The following WWOX variants were observed in gnomAD, a reference collection of about 807,000 sequenced individuals.
The protein encoded by WWOX is WW domain-containing oxidoreductase.
WWOX carries 69 observed loss-of-function variants against 46.2 expected under a neutral mutation model. The ratio of observed to expected loss-of-function variants is 1.49; its 90% CI spans 1.23 to 1.82. The LOEUF (loss-of-function observed/expected upper bound fraction) is 1.82. Ranked by LOEUF, WWOX falls within the 40% of genes most tolerant of loss-of-function variation. The probability of loss-of-function intolerance (pLI) is 0.00; values close to 1 mark genes in which losing one functional copy is unlikely to be tolerated. For synonymous variants in WWOX, 359 were observed against 202.6 expected (o/e 1.77, Z -6.56); for missense variants, 919 against 542.6 (o/e 1.69, Z -6.89).
At chr16:78,544,925 C>G (rs970655809) in intron 8 of WWOX, among the ~76,000 whole-genome samples, 1 of 151,848 alleles carries the variant, frequency 6.6e-6, no homozygotes, top group African/African-American at 2.4e-5. Context: ...GCCTATAATC[C>G]TAGCCCTTTG....
At chr16:78,301,053 A>C (rs1159855644) in intron 5 of WWOX, among the ~76,000 whole-genome samples, 2 of 152,176 alleles carry the variant, frequency 1.3e-5, no homozygotes, top group African/African-American at 4.8e-5. Context: ...CCATCCATGC[A>C]TGTAAGTTGC....
intron 1 of WWOX, among the ~76,000 whole-genome samples, chr16:78,102,556 C>A (rs184485669): frequency 3.9e-5 from 6 of 152,244 alleles, no homozygotes; most frequent in Admixed American, 1.3e-4. Context: ...CGGGCACTTG[C>A]TGTTCCTCTC....
intron 8 of WWOX, among the ~76,000 whole-genome samples, chr16:78,830,394 G>A (rs1159294240): frequency 1.3e-5 from 2 of 151,960 alleles, no homozygotes; most frequent in Non-Finnish European, 2.9e-5. Flanking sequence ...ATGGCTGGGG[G>A]TTTTTCTCAC....
At chr16:79,029,738 T>A (rs1163628231) in intron 8 of WWOX, among the ~76,000 whole-genome samples, 2 of 152,218 alleles carry the variant, frequency 1.3e-5, no homozygotes, top group Non-Finnish European at 2.9e-5. Flanking sequence ...TAATATTTCC[T>A]TTTAGAGCTT....
At chr16:78,366,942 GT>G (rs371756150) in intron 5 of WWOX, among the ~76,000 whole-genome samples, 7,902 of 136,136 alleles carry the variant, frequency 0.058, 279 homozygotes, top group East Asian at 0.13. Flanking sequence ...ATTAGCTGGG[GT>G]TTTTTTTTTG....
intron 8 of WWOX, among the ~76,000 whole-genome samples, chr16:78,956,250 A>G (rs545954859): frequency 2.0e-5 from 3 of 151,984 alleles, no homozygotes; most frequent in South Asian, 4.2e-4. Context: ...GGCTCAAGCA[A>G]TTCTGCTGCC....
In WWOX at chr16:78,819,098, C is replaced by T. The variant is rs141229724; in HGVS notation, c.1056+386346C>T. ...CCATAGTACTCAGGTGTTCATTCCACAGAAAAGCGTTCACTCTTCTGCACT... is the reference window on the plus strand; with the variant it reads ...CCATAGTACTCAGGTGTTCATTCCATAGAAAAGCGTTCACTCTTCTGCACT... On this transcript the variant is annotated intron_variant, in intron 8 of 8. Transcript: ENST00000566780. Among the ~76,000 whole-genome samples the T allele has an allele frequency of 1.4e-3, 207 of 152,332 alleles. 1 individual carries two copies. The highest frequency in any genetic ancestry group is 2.6e-3 in the Admixed American group (40 of 15,310).
chr16:78,806,902 G>A (rs1190372184), intron 8 of WWOX, among the ~76,000 whole-genome samples: 1 of 152,206 alleles, frequency 6.6e-6, no homozygotes, highest in East Asian at 1.9e-4. Context: ...ATTGGGAAAA[G>A]AATGGTATTT....
intron 8 of WWOX, among the ~76,000 whole-genome samples, chr16:79,121,783 C>T (rs946867459): frequency 6.6e-6 from 1 of 152,082 alleles, no homozygotes; most frequent in African/African-American, 2.4e-5. Flanking sequence ...CAGATAAGGT[C>T]CATTACTCTT....
intron 8 of WWOX, among the ~76,000 whole-genome samples, chr16:78,978,274 G>C (rs1185713518): frequency 6.6e-6 from 1 of 152,132 alleles, no homozygotes; most frequent in African/African-American, 2.4e-5. Flanking sequence ...CCACCTTTTT[G>C]CTCTTGTGAA....
chr16:78,664,341 T>C (rs8043910), intron 8 of WWOX, among the ~76,000 whole-genome samples: 21,444 of 151,962 alleles, frequency 0.14, 2,660 homozygotes, highest in African/African-American at 0.34. Flanking sequence ...GGCACCCAGT[T>C]TATGTGTGCT....
intron 8 of WWOX, among the ~76,000 whole-genome samples, chr16:79,057,273 C>T (rs995398967): frequency 4.6e-5 from 7 of 152,146 alleles, no homozygotes; most frequent in African/African-American, 1.7e-4. Flanking sequence ...ATGTTTATTC[C>T]AGCTGATTCT....
chr16:78,645,851 G>A (rs998479235), intron 8 of WWOX, among the ~76,000 whole-genome samples: 1 of 152,090 alleles, frequency 6.6e-6, no homozygotes, highest in African/African-American at 2.4e-5. Context: ...GGCTCTGGGG[G>A]CTTCTGGGGA....
chr16:78,614,374 C>G (rs1190126920), intron 8 of WWOX, among the ~76,000 whole-genome samples: 2 of 152,216 alleles, frequency 1.3e-5, no homozygotes, highest in African/African-American at 2.4e-5. Flanking sequence ...CTTATCATAT[C>G]TTCAATGCAT....
intron 8 of WWOX, among the ~76,000 whole-genome samples, chr16:78,638,930 G>A (rs1417739943): frequency 1.3e-5 from 2 of 152,130 alleles, no homozygotes; most frequent in Non-Finnish European, 2.9e-5. Flanking sequence ...AGATATCAGT[G>A]TAAAACAAGA....
chr16:78,896,446 C>T (rs1002078579), intron 8 of WWOX: 1 of 152,136 alleles, frequency 6.6e-6, no homozygotes, highest in African/African-American at 2.4e-5. Context: ...TGAAGCCACA[C>T]CGCAAACTTG....
At chr16:78,831,992 C>T (rs977580821) in intron 8 of WWOX, among the ~76,000 whole-genome samples, 3 of 152,198 alleles carry the variant, frequency 2.0e-5, no homozygotes, top group African/African-American at 7.2e-5. Context: ...CACTAACTCA[C>T]TACCTAGGTA....
intron 5 of WWOX, among the ~76,000 whole-genome samples, chr16:78,226,039 G>A (rs1005321747): frequency 6.6e-6 from 1 of 152,046 alleles, no homozygotes; most frequent in African/African-American, 2.4e-5. Context: ...ACAAAACAAC[G>A]AAAACTTGGC....
intron 5 of WWOX, among the ~76,000 whole-genome samples, chr16:78,239,660 G>T (rs1001665730): frequency 6.6e-6 from 1 of 152,064 alleles, no homozygotes; most frequent in African/African-American, 2.4e-5. Flanking sequence ...TCAGTCTCCT[G>T]AGTAGGTGGG....
Sources: gnomAD v4.1 joint callset for allele counts (sites outside exome capture counted in the v4.1 genomes callset) on GRCh38, gnomAD v4.1.1 for gene constraint, MANE v1.5 for transcripts, NCBI Gene and HGNC (gene_info 2026-07-23, HGNC 2026-07-21) for gene names.